C1orf105: variants seen among roughly 807,000 people sequenced by gnomAD.
C1orf105 encodes the protein uncharacterized protein C1orf105.
A neutral mutation model predicts 20.8 loss-of-function variants in C1orf105; 17 were observed. That is an observed-to-expected ratio of 0.82 (90% CI 0.56 to 1.23). The LOEUF (loss-of-function observed/expected upper bound fraction) is 1.23. Among genes scored for constraint, C1orf105 ranks in the 50% most tolerant of loss-of-function variants. C1orf105 has a pLI of 0.00. For synonymous variants in C1orf105, 72 were observed against 72.1 expected, an observed-to-expected ratio of 1.00 and a Z score of 0.01; for missense variants, 219 against 213.5, an observed-to-expected ratio of 1.03 and a Z score of -0.16.
At chr1:172,427,924 C>G (rs1291565663) in intron 1 of C1orf105, among the ~76,000 whole-genome samples, 3 of 152,146 alleles carry the variant, frequency 2.0e-5, no homozygotes, top group Admixed American at 1.3e-4. Flanking sequence ...TCTCAAACTC[C>G]AAGGTCATAT....
At chr1:172,444,022 G>C (rs894789904) in intron 1 of C1orf105, 2 of 999,956 alleles carry the variant, frequency 2.0e-6, no homozygotes, top group African/African-American at 3.5e-5. Flanking sequence ...CTGGGGGACG[G>C]CGGCACCCAG....
At chr1:172,442,954 G>T in intron 1 of C1orf105, 1 of 231,826 alleles carries the variant, frequency 4.3e-6, no homozygotes, top group South Asian at 1.1e-4. Context: ...TCACCTTATG[G>T]GACATTAAAA....
chr1:172,458,905 T>C (rs1247979761), intron 4 of C1orf105, among the ~76,000 whole-genome samples: 2 of 152,178 alleles, frequency 1.3e-5, no homozygotes, highest in African/African-American at 4.8e-5. Context: ...TTATAAACAA[T>C]TGATTTTTGA....
At chr1:172,437,590 G>A (rs1412154406) in intron 1 of C1orf105, among the ~76,000 whole-genome samples, 3 of 114,540 alleles carry the variant, frequency 2.6e-5, no homozygotes, top group South Asian at 4.0e-4. Flanking sequence ...GCCGGGGGGT[G>A]GGGGGAGGGG....
intron 1 of C1orf105, chr1:172,441,742 C>G: frequency 6.5e-7 from 1 of 1,547,802 alleles, no homozygotes; most frequent in South Asian, 1.3e-5. Context: ...ACTGAGGAAC[C>G]TGGACAAGTC....
chr1:172,454,791 G>A (rs927859581), intron 3 of C1orf105, among the ~76,000 whole-genome samples: 5 of 151,886 alleles, frequency 3.3e-5, no homozygotes, highest in African/African-American at 1.2e-4. Flanking sequence ...CTGGAGCCTC[G>A]ATATATTTCT....
intron 1 of C1orf105, among the ~76,000 whole-genome samples, chr1:172,432,654 G>A (rs2071907991): frequency 6.6e-6 from 1 of 152,200 alleles, no homozygotes; most frequent in African/African-American, 2.4e-5. Context: ...CCACAAAGAT[G>A]GGGAGAAACC....
intron 3 of C1orf105, chr1:172,453,074 T>A (rs2149182144): frequency 6.4e-7 from 1 of 1,550,630 alleles, no homozygotes; most frequent in Middle Eastern, 1.7e-4. Context: ...TGCGTCGCCT[T>A]TAAAGTAGCC....
chr1:172,441,680 A>G (rs764213042), intron 1 of C1orf105: 1 of 1,408,536 alleles, frequency 7.1e-7, no homozygotes, highest in Non-Finnish European at 9.6e-7. Flanking sequence ...TATACTAGTT[A>G]GGAGGCTAAT....
Position 172,448,440 on chromosome 1 carries a change from G to T in C1orf105, c.108-1G>T, listed in dbSNP as rs1343602225. On this transcript the variant is annotated splice_acceptor_variant, in intron 2 of 6. Coordinates refer to ENST00000367727, the MANE Select transcript of C1orf105 (RefSeq NM_139240.4). LOFTEE classifies it high-confidence loss of function. ...AACGTTCTCTTGTTTTAATTACTTAGATATCCTCATACCTCTGCGACTTTT... is the reference window on the plus strand; with the variant it reads ...AACGTTCTCTTGTTTTAATTACTTATATATCCTCATACCTCTGCGACTTTT... The T allele has an allele frequency of 6.3e-7, 1 of 1,598,624 alleles. No homozygotes were observed. Among genetic ancestry groups the T allele is most frequent in the Non-Finnish European group, 8.6e-7 (1 of 1,167,576 alleles).
At chr1:172,421,230 G>T (rs2071578296) in intron 1 of C1orf105, among the ~76,000 whole-genome samples, 1 of 152,096 alleles carries the variant, frequency 6.6e-6, no homozygotes, top group African/African-American at 2.4e-5. Context: ...ATTCTTTAGT[G>T]CAGTTCCCTG....
At chr1:172,435,484 AC>A (rs1390587049) in intron 1 of C1orf105, among the ~76,000 whole-genome samples, 1 of 152,222 alleles carries the variant, frequency 6.6e-6, no homozygotes, top group Non-Finnish European at 1.5e-5. Flanking sequence ...AACAGAACCA[AC>A]AAAAAAAACC....
At chr1:172,431,993 C>T (rs560702478) in intron 1 of C1orf105, among the ~76,000 whole-genome samples, 9 of 152,376 alleles carry the variant, frequency 5.9e-5, no homozygotes, top group African/African-American at 1.9e-4. Flanking sequence ...CACTGTAGCA[C>T]AGCAGTCTGA....
At chr1:172,457,221 G>A (rs1261012401) in intron 4 of C1orf105, among the ~76,000 whole-genome samples, 1 of 152,172 alleles carries the variant, frequency 6.6e-6, no homozygotes, top group Non-Finnish European at 1.5e-5. Context: ...GTAAGGAAGA[G>A]GCTTTGGTTA....
chr1:172,433,363 G>A (rs182656692), intron 1 of C1orf105, among the ~76,000 whole-genome samples: 59 of 152,240 alleles, frequency 3.9e-4, no homozygotes, highest in African/African-American at 8.4e-4. Flanking sequence ...GAAAGGTCAG[G>A]TTACCCACAA....
chr1:172,422,999 A>C lies in C1orf105; in HGVS notation c.21+2093A>C, dbSNP rs147741539. 3.9e-3 allele frequency among the ~76,000 whole-genome samples: 590 copies of C among 152,132 alleles called. 3 individuals are homozygous for C. Among genetic ancestry groups the C allele is most frequent in the African/African-American group, 0.014 (561 of 41,512 alleles). On this transcript the variant is annotated intron_variant, in intron 1 of 6. Coordinates refer to ENST00000367727, the MANE Select transcript of C1orf105 (RefSeq NM_139240.4). ...ACCAGGTAGATTTCTAAAGTTTCCA[A>C]CTCCAGGCCCTGACTCCCAGACAGC...
At chr1:172,437,951 G>T (rs1462508764) in intron 1 of C1orf105, among the ~76,000 whole-genome samples, 1 of 152,064 alleles carries the variant, frequency 6.6e-6, no homozygotes, top group Non-Finnish European at 1.5e-5. Flanking sequence ...AATGTAGTTG[G>T]TGACTTGACA....
intron 1 of C1orf105, among the ~76,000 whole-genome samples, chr1:172,439,663 G>C (rs1315654763): frequency 6.6e-6 from 1 of 152,082 alleles, no homozygotes; most frequent in Non-Finnish European, 1.5e-5. Flanking sequence ...AACTATTCTT[G>C]AAAGTTTGAG....
At chr1:172,462,863 C>G (rs2149192888) in intron 5 of C1orf105, among the ~76,000 whole-genome samples, 1 of 152,244 alleles carries the variant, frequency 6.6e-6, no homozygotes, top group South Asian at 2.1e-4. Flanking sequence ...ACCTCCACCT[C>G]CCAGGTTCAA....
Sources: gnomAD v4.1 joint callset for allele counts (sites outside exome capture counted in the v4.1 genomes callset) on GRCh38, gnomAD v4.1.1 for gene constraint, MANE v1.5 for transcripts, NCBI Gene and HGNC (gene_info 2026-07-23, HGNC 2026-07-21) for gene names.